The following CDC16 variants were observed in gnomAD, a reference collection of about 807,000 sequenced individuals.
CDC16 encodes the protein cell division cycle 16.
In CDC16, 34 loss-of-function variants were observed where a neutral mutation model predicts 87.0. That is an observed-to-expected ratio of 0.39 (90% CI 0.30 to 0.52). The LOEUF (loss-of-function observed/expected upper bound fraction) is 0.52, where lower values mean the gene tolerates loss of function less well. Among genes scored for constraint, CDC16 ranks in the 20% least tolerant of loss-of-function variants. The probability of loss-of-function intolerance (pLI) is 0.74; values close to 1 mark genes in which losing one functional copy is unlikely to be tolerated. For synonymous variants in CDC16, 263 were observed against 260.6 expected, an observed-to-expected ratio of 1.01 and a Z score of -0.09; for missense variants, 653 against 751.9, an observed-to-expected ratio of 0.87 and a Z score of 1.54.
intron 1 of CDC16, among the ~76,000 whole-genome samples, chr13:114,235,567 A>G (rs898499307): frequency 5.3e-5 from 8 of 152,264 alleles, no homozygotes; most frequent in East Asian, 3.8e-4. Flanking sequence ...TCTCAAATCA[A>G]TACTTTAAAA....
chr13:114,247,122 TTTTTCTTCCTTTC>T (rs2081914986), intron 11 of CDC16, 118 bp downstream of exon 11: 3 of 655,556 alleles, frequency 4.6e-6, no homozygotes, highest in Non-Finnish European at 8.1e-6. Context: ...AATGTTTTTT[TTTTTCTTCCTTTC>T]TTTTCTTTCT....
chr13:114,267,717 A>T lies in CDC16; in HGVS notation c.1603+2477A>T, dbSNP rs116726934. On this transcript the variant is annotated intron_variant, in intron 17 of 17. Coordinates refer to ENST00000356221, the MANE Select transcript of CDC16 (RefSeq NM_001078645.3). ...GTAATCACTAAAAAGGAAAGTTCATACCAAAAGTAGTAATACTAGGAATAA... is the reference window on the plus strand; with the variant it reads ...GTAATCACTAAAAAGGAAAGTTCATTCCAAAAGTAGTAATACTAGGAATAA... Among the ~76,000 whole-genome samples, 449 of 148,690 alleles carry T rather than the reference A, an allele frequency of 3.0e-3. 4 individuals carry two copies. Among genetic ancestry groups the T allele is most frequent in the African/African-American group, 0.011 (431 of 38,112 alleles).
chr13:114,263,857 G>A (rs557548535), intron 16 of CDC16, among the ~76,000 whole-genome samples: 5 of 152,156 alleles, frequency 3.3e-5, no homozygotes, highest in South Asian at 4.1e-4. Flanking sequence ...AGTCTGTGCT[G>A]CCAACATAAC....
chr13:114,240,695 C>T (rs1207240767), intron 5 of CDC16, among the ~76,000 whole-genome samples: 2 of 152,030 alleles, frequency 1.3e-5, no homozygotes, highest in Admixed American at 6.5e-5. Context: ...TATTACTTGA[C>T]TTTTCACCTT....
At chr13:114,258,188 T>G (rs1379993344) in intron 13 of CDC16, among the ~76,000 whole-genome samples, 1 of 152,220 alleles carries the variant, frequency 6.6e-6, no homozygotes, top group Non-Finnish European at 1.5e-5. Context: ...TTAAAATAAA[T>G]AGTAATCTTT....
chr13:114,257,044 G>A, intron 12 of CDC16, 34 bp from the exon 13 acceptor site: 1 of 1,419,388 alleles, frequency 7.0e-7, no homozygotes, highest in Non-Finnish European at 9.7e-7. Flanking sequence ...CACAGTTTTT[G>A]GTGTTGAATA....
In CDC16 at chr13:114,266,780, C is replaced by T. The variant is rs745931945; in HGVS notation, c.1603+1540C>T. 2.6e-5 allele frequency among the ~76,000 whole-genome samples: 4 copies of T among 152,172 alleles called. No individual in the cohort carries two copies. In the East Asian group the frequency reaches 5.8e-4, roughly 22 times the overall value. ...AGGATCTCTGCTCACTGCAAGCTCC[C>T]CCTCACCGGGGTTCATGCCATTCTC... On this transcript the variant is annotated intron_variant, in intron 17 of 17. Transcript: ENST00000356221.
rs756429729 is a variant in CDC16, at chr13:114,272,377, C to T, written c.1797C>T (p.Thr599=). 3 of 1,613,856 alleles carry T rather than the reference C, an allele frequency of 1.9e-6. No individual in the cohort carries two copies. Among genetic ancestry groups the T allele is most frequent in the African/African-American group, 1.3e-5 (1 of 74,936 alleles). Residue 599 remains threonine, a synonymous_variant, in exon 18 of 18, where the codon ACC becomes ACT. Transcript: ENST00000356221. ...ATTCCAGACCTTCCTTGGAAGAAAC[C>T]TTTGAAATTGAAATGAATGAAAGTG... ...TPDSRPSLEE[T]FEIEMNESDM... is the part of the protein sequence containing the mutation.
At chr13:114,243,060 A>G (rs375644383) in intron 6 of CDC16, among the ~76,000 whole-genome samples, 197 bp from the exon 7 acceptor site, 2 of 152,280 alleles carry the variant, frequency 1.3e-5, no homozygotes, top group African/African-American at 2.4e-5. Context: ...CTGAAAGAGT[A>G]GCCTCCACCC....
intron 11 of CDC16, among the ~76,000 whole-genome samples, chr13:114,248,116 T>C (rs1420675914): frequency 1.3e-5 from 2 of 152,222 alleles, no homozygotes; most frequent in African/African-American, 4.8e-5. Flanking sequence ...TTGCTGTGGT[T>C]TTAACTTAAG....
chr13:114,238,844 G>GT, intron 3 of CDC16, 146 bp from the exon 4 acceptor site: 2 of 1,073,808 alleles, frequency 1.9e-6, no homozygotes, highest in Non-Finnish European at 2.6e-6. Context: ...AATAAATATG[G>GT]TTTAACAGGA....
chr13:114,234,923 C>T lies in CDC16; in HGVS notation c.-162C>T. 2 of 361,466 alleles carry T rather than the reference C, an allele frequency of 5.5e-6. No homozygotes were observed. Among genetic ancestry groups the T allele is most frequent in the South Asian group, 1.5e-4 (1 of 6,854 alleles). 22.4% of individuals were successfully genotyped at this position (361,466 alleles called of 1,614,324 possible). A position where few individuals can be genotyped will look rare whatever the true frequency, so the allele number is the denominator to read the frequency against. On this transcript the variant is annotated 5_prime_UTR_variant, in exon 1 of 18. Coordinates refer to ENST00000356221, the MANE Select transcript of CDC16 (RefSeq NM_001078645.3). ...GTGCACGGGGCCTGGGTGGGGGGTG[C>T]GGGTGTGGGTGGGGACCTGCGGCCT...
intron 3 of CDC16, 84 bp downstream of exon 3, chr13:114,236,980 A>C: frequency 1.2e-6 from 1 of 811,868 alleles, no homozygotes; most frequent in African/African-American, 1.8e-5. Context: ...TTACACCTGT[A>C]ATCCCAGCGC....
chr13:114,263,967 A>T (rs975431528), intron 16 of CDC16, among the ~76,000 whole-genome samples: 2 of 152,218 alleles, frequency 1.3e-5, no homozygotes, highest in Admixed American at 6.5e-5. Flanking sequence ...CAATGTTTGA[A>T]TTTGAGAAAA....
At chr13:114,270,666 A>G (rs533652514) in intron 17 of CDC16, among the ~76,000 whole-genome samples, 2 of 152,292 alleles carry the variant, frequency 1.3e-5, no homozygotes, top group South Asian at 4.1e-4. Flanking sequence ...CCATGTGCTT[A>G]AGGGGATTCA....
At chr13:114,235,352 G>T (rs2081194239) in intron 1 of CDC16, among the ~76,000 whole-genome samples, 5 of 152,194 alleles carry the variant, frequency 3.3e-5, no homozygotes, top group Admixed American at 2.6e-4. Flanking sequence ...GCCCCCGAGC[G>T]CACGGGGCGC....
In CDC16 at chr13:114,242,486, T is replaced by C. The variant is rs974992170; in HGVS notation, c.541+206T>C. 3 of 532,406 alleles carry C rather than the reference T, an allele frequency of 5.6e-6. No individual in the cohort carries two copies. In the Admixed American group the frequency reaches 1.1e-4, roughly 19 times the overall value. The allele number at this position is 532,406 out of a possible 1,614,324, so 33.0% of individuals were successfully genotyped here. On this transcript the variant is annotated intron_variant, in intron 6 of 17. Coordinates refer to ENST00000356221, the MANE Select transcript of CDC16 (RefSeq NM_001078645.3). The stretch of plus-strand genomic sequence containing the variant: ...TGCTGTCCGAATCTAGGGATTGTGA[T>C]AGGAAGAGGCCATCTTTTTGAGAAG...
At position 114,243,332 on chromosome 13, in the gene CDC16, A is replaced by G; in HGVS notation, c.617A>G (p.Glu206Gly). Reference sequence around the variant, plus strand: ...CAGGAATTGCTGCGTTTTCTATTTGAGAACAAATTGAAAAAAGTAAGTAAA... The same window carrying G: ...CAGGAATTGCTGCGTTTTCTATTTGGGAACAAATTGAAAAAAGTAAGTAAA... The part of the protein sequence containing the change: ...EEQELLRFLF[E>G]NKLKKYNKPS... The change falls in exon 7 of 18, where the codon GAG becomes GGG. Residue 206 changes from glutamate to glycine, a missense_variant. Physicochemically the swap from Glu to Gly is moderately conservative, Grantham distance 98. Transcript: ENST00000356221. The G allele has an allele frequency of 6.4e-7, 1 of 1,552,362 alleles. No individual in the cohort carries two copies. The highest frequency in any genetic ancestry group is 8.9e-7 in the Non-Finnish European group (1 of 1,124,204).
chr13:114,245,600 A>G, intron 9 of CDC16: 1 of 164,324 alleles, frequency 6.1e-6, no homozygotes, highest in Non-Finnish European at 1.3e-5. Flanking sequence ...CATCATCTTG[A>G]AATGCCAGGA....
Sources: allele counts gnomAD v4.1 joint callset (sites outside exome capture counted in the v4.1 genomes callset), GRCh38; gene constraint gnomAD v4.1.1; transcripts MANE v1.5; gene names NCBI Gene and HGNC (gene_info 2026-07-23, HGNC 2026-07-21).